The following KAZN variants were observed in gnomAD, a reference collection of about 807,000 sequenced individuals.
KAZN encodes kazrin, periplakin interacting protein.
In KAZN, 40 loss-of-function variants were observed where a neutral mutation model predicts 87.4. The observed-to-expected ratio is 0.46, with a 90% CI of 0.36 to 0.60. The LOEUF (loss-of-function observed/expected upper bound fraction) is 0.60. Among genes scored for constraint, KAZN ranks in the 20% least tolerant of loss-of-function variants. The probability of loss-of-function intolerance (pLI) is 0.00; values close to 1 mark genes in which losing one functional copy is unlikely to be tolerated. For missense variants in KAZN, 898 were observed against 1,073.9 expected, an observed-to-expected ratio of 0.84 and a Z score of 2.29; for synonymous variants, 466 against 458.3, an observed-to-expected ratio of 1.02 and a Z score of -0.22.
intron 1 of KAZN, among the ~76,000 whole-genome samples, chr1:13,954,427 A>G (rs1241832596): frequency 6.6e-6 from 1 of 152,184 alleles, no homozygotes; most frequent in Non-Finnish European, 1.5e-5. Context: ...ATAAGATGTG[A>G]TGGGGTTGCT....
At chr1:14,654,765 C>T (rs1317416204) in intron 1 of KAZN, among the ~76,000 whole-genome samples, 2 of 152,202 alleles carry the variant, frequency 1.3e-5, no homozygotes, top group African/African-American at 2.4e-5. Flanking sequence ...ACTGGACATG[C>T]TGGCAGCTTC....
At chr1:14,733,540 C>T (rs1163161552) in intron 1 of KAZN, among the ~76,000 whole-genome samples, 1 of 152,146 alleles carries the variant, frequency 6.6e-6, no homozygotes, top group African/African-American at 2.4e-5. Context: ...GGCAGAGATG[C>T]TTCCTGGGAG....
At chr1:14,679,470 A>C (rs1379587155) in intron 1 of KAZN, among the ~76,000 whole-genome samples, 1 of 152,138 alleles carries the variant, frequency 6.6e-6, no homozygotes, top group Non-Finnish European at 1.5e-5. Context: ...TGATAAAGGC[A>C]GTGGTAGGGG....
At chr1:14,036,286 T>TAACTGAG (rs1392783456) in intron 1 of KAZN, among the ~76,000 whole-genome samples, 1 of 152,114 alleles carries the variant, frequency 6.6e-6, no homozygotes, top group Non-Finnish European at 1.5e-5. Context: ...GGGTAAGACC[T>TAACTGAG]TTATTGGGAG....
At chr1:14,829,441 A>C (rs376989500) in intron 1 of KAZN, among the ~76,000 whole-genome samples, 1 of 152,236 alleles carries the variant, frequency 6.6e-6, no homozygotes, top group East Asian at 1.9e-4. Context: ...GTGATGGCAC[A>C]TGCCTATAAT....
chr1:14,394,123 C>A (rs984852601), intron 2 of KAZN, among the ~76,000 whole-genome samples: 2 of 152,234 alleles, frequency 1.3e-5, no homozygotes, highest in East Asian at 1.9e-4. Flanking sequence ...GAGGACCCCC[C>A]CACACACATG....
chr1:14,114,212 A>C (rs752402920), intron 1 of KAZN, among the ~76,000 whole-genome samples: 2 of 152,170 alleles, frequency 1.3e-5, no homozygotes, highest in Non-Finnish European at 2.9e-5. Context: ...AGACGGCCCC[A>C]TTATTTTCAG....
intron 2 of KAZN, among the ~76,000 whole-genome samples, chr1:14,360,712 C>T (rs1659431605): frequency 6.6e-6 from 1 of 152,184 alleles, no homozygotes; most frequent in African/African-American, 2.4e-5. Context: ...TGCAGGTCTG[C>T]TGGAGTTTGT....
intron 1 of KAZN, among the ~76,000 whole-genome samples, chr1:14,811,438 C>T (rs1646406890): frequency 2.0e-5 from 3 of 152,212 alleles, no homozygotes; most frequent in Admixed American, 2.0e-4. Context: ...CTTGGAACTA[C>T]TTAGTGAATA....
chr1:13,941,422 C>A (rs72871400), intron 1 of KAZN, among the ~76,000 whole-genome samples: 4,658 of 152,232 alleles, frequency 0.031, 219 homozygotes, highest in African/African-American at 0.11. Flanking sequence ...TACATGTGGT[C>A]TCCCAGACTA....
chr1:13,945,301 C>G (rs1641094358), intron 1 of KAZN, among the ~76,000 whole-genome samples: 1 of 151,914 alleles, frequency 6.6e-6, no homozygotes, highest in South Asian at 2.1e-4. Context: ...TGGTGAAACC[C>G]CCATCTCTAC....
At chr1:13,990,626 G>A (rs1639234522) in intron 1 of KAZN, among the ~76,000 whole-genome samples, 2 of 152,128 alleles carry the variant, frequency 1.3e-5, no homozygotes, top group African/African-American at 2.4e-5. Flanking sequence ...GCACACATTT[G>A]TTAAAACTCA....
intron 2 of KAZN, among the ~76,000 whole-genome samples, chr1:14,584,076 G>C (rs1023170586): frequency 6.6e-6 from 1 of 152,146 alleles, no homozygotes; most frequent in Non-Finnish European, 1.5e-5. Context: ...GGTCTGCCCA[G>C]GATTCCTTCT....
At chr1:14,906,740 G>T (rs1174489122) in intron 1 of KAZN, among the ~76,000 whole-genome samples, 1 of 149,240 alleles carries the variant, frequency 6.7e-6, no homozygotes, top group East Asian at 2.0e-4. Context: ...GATCAAGCTG[G>T]CCATCCTAGA....
chr1:13,897,869 A>G lies in KAZN; in HGVS notation c.91+4113A>G, dbSNP rs542517517. Among the ~76,000 whole-genome samples the G allele has an allele frequency of 5.9e-5, 9 of 152,222 alleles. No individual in the cohort carries two copies. The South Asian group carries it at 8.3e-4, about 14-fold the overall frequency. On this transcript the variant is annotated intron_variant, in intron 1 of 16. Transcript: ENST00000636203. ...ACCTTCCTCCCTCTCCAGGTCCTTC[A>G]TCTCACTTAATAGTCCTGTGAGGAA...
intron 2 of KAZN, among the ~76,000 whole-genome samples, chr1:14,216,385 G>C (rs977359788): frequency 2.6e-5 from 4 of 152,154 alleles, no homozygotes; most frequent in Non-Finnish European, 2.9e-5. Context: ...TTCCAGGGTA[G>C]TCACTCACTG....
At chr1:14,668,946 C>T (rs372330925) in intron 1 of KAZN, among the ~76,000 whole-genome samples, 1 of 152,158 alleles carries the variant, frequency 6.6e-6, no homozygotes, top group East Asian at 1.9e-4. Context: ...AGAATAGAAA[C>T]CATGCAGAGA....
chr1:14,494,181 G>A (rs145460232), intron 2 of KAZN, among the ~76,000 whole-genome samples: 1 of 152,268 alleles, frequency 6.6e-6, no homozygotes, highest in East Asian at 1.9e-4. Flanking sequence ...GCAGCCCAGA[G>A]CCAGCAAGTC....
At chr1:14,876,560 G>A (rs1479321339) in intron 1 of KAZN, among the ~76,000 whole-genome samples, 2 of 152,142 alleles carry the variant, frequency 1.3e-5, no homozygotes, top group Non-Finnish European at 1.5e-5. Context: ...GGGGTCTGGA[G>A]CTGGACTGCC....
Sources: gnomAD v4.1 joint callset for allele counts (sites outside exome capture counted in the v4.1 genomes callset) on GRCh38, gnomAD v4.1.1 for gene constraint, MANE v1.5 for transcripts, NCBI Gene and HGNC (gene_info 2026-07-23, HGNC 2026-07-21) for gene names.